Variants in FER observed in about 807,000 individuals in gnomAD.
FER encodes FER tyrosine kinase, also known as tyrosine-protein kinase Fer.
In FER, 63 loss-of-function variants were observed where a neutral mutation model predicts 111.0. The observed-to-expected ratio is 0.57, with a 90% confidence interval of 0.46 to 0.70. The LOEUF is 0.70. Ranked by LOEUF, FER falls within the 30% of genes least tolerant of loss-of-function variation. The probability of loss-of-function intolerance (pLI) is 0.00; values close to 1 mark genes in which losing one functional copy is unlikely to be tolerated. For synonymous variants in FER, 327 were observed against 313.9 expected, an observed-to-expected ratio of 1.04 and a Z score of -0.44; for missense variants, 914 against 954.0, an observed-to-expected ratio of 0.96 and a Z score of 0.55.
At chr5:109,092,108 C>A (rs1347783656) in intron 16 of FER, among the ~76,000 whole-genome samples, 1 of 151,706 alleles carries the variant, frequency 6.6e-6, no homozygotes, top group Non-Finnish European at 1.5e-5. Context: ...CTGCTGACAC[C>A]TTTATCTTGG....
chr5:108,893,797 C>T (rs1748585958), intron 9 of FER, among the ~76,000 whole-genome samples: 1 of 151,942 alleles, frequency 6.6e-6, no homozygotes. Flanking sequence ...GTTCTAAGAG[C>T]ATAAAAATCA....
chr5:108,992,085 A>T (rs1763261094), intron 13 of FER, among the ~76,000 whole-genome samples: 1 of 151,956 alleles, frequency 6.6e-6, no homozygotes, highest in South Asian at 2.1e-4. Context: ...ACTCTTAACG[A>T]GCATGCTGCC....
intron 13 of FER, among the ~76,000 whole-genome samples, chr5:109,021,887 G>A (rs1260426701): frequency 6.6e-6 from 1 of 152,006 alleles, no homozygotes; most frequent in Non-Finnish European, 1.5e-5. Flanking sequence ...GTTAAGCATT[G>A]CAAGACAGAT....
chr5:108,968,513 G>A (rs1760199665), intron 13 of FER, among the ~76,000 whole-genome samples: 1 of 152,194 alleles, frequency 6.6e-6, no homozygotes, highest in Non-Finnish European at 1.5e-5. Flanking sequence ...TATGTGATAT[G>A]TTAATTAATA....
At chr5:108,760,903 A>G (rs1751660386) in intron 1 of FER, among the ~76,000 whole-genome samples, 1 of 151,602 alleles carries the variant, frequency 6.6e-6, no homozygotes. Context: ...GTTTGGTTCA[A>G]GAGGTTCAGC....
intron 5 of FER, among the ~76,000 whole-genome samples, chr5:108,844,613 A>G (rs1476075891): frequency 6.6e-6 from 1 of 152,090 alleles, no homozygotes; most frequent in Non-Finnish European, 1.5e-5. Flanking sequence ...TCACCCCTGA[A>G]AAATTCCTAG....
chr5:109,083,631 A>T (rs1030093870), intron 16 of FER, among the ~76,000 whole-genome samples: 3 of 152,050 alleles, frequency 2.0e-5, no homozygotes, highest in African/African-American at 7.2e-5. Context: ...TTTTCCACAG[A>T]TCACTTGCAT....
intron 10 of FER, among the ~76,000 whole-genome samples, chr5:108,907,389 G>C (rs1216705686): frequency 6.6e-6 from 1 of 151,812 alleles, no homozygotes; most frequent in African/African-American, 2.4e-5. Flanking sequence ...CTGCCTCCTG[G>C]GTTCAAGCAA....
At chr5:108,783,812 T>C (rs1754363504) in intron 2 of FER, among the ~76,000 whole-genome samples, 1 of 152,134 alleles carries the variant, frequency 6.6e-6, no homozygotes. Flanking sequence ...GGGGAAGGGA[T>C]GGGCTGGGAT....
intron 17 of FER, among the ~76,000 whole-genome samples, chr5:109,107,543 C>A (rs1749090169): frequency 6.6e-6 from 1 of 151,950 alleles, no homozygotes; most frequent in Non-Finnish European, 1.5e-5. Context: ...TTTATAAGTT[C>A]TCATCATTTA....
intron 9 of FER, among the ~76,000 whole-genome samples, chr5:108,893,199 G>T (rs538518596): frequency 9.2e-5 from 14 of 152,022 alleles, no homozygotes; most frequent in South Asian, 6.2e-4. Context: ...TTCCAATTCT[G>T]TGAAGAAAGT....
At chr5:109,134,438 T>A (rs1228982959) in intron 17 of FER, among the ~76,000 whole-genome samples, 1 of 152,216 alleles carries the variant, frequency 6.6e-6, no homozygotes, top group African/African-American at 2.4e-5. Context: ...GGTTTTTCTT[T>A]GTCATTTATT....
chr5:108,880,504 C>CTTAT (rs1186055783), intron 8 of FER, among the ~76,000 whole-genome samples: 6 of 151,970 alleles, frequency 3.9e-5, no homozygotes, highest in Admixed American at 3.3e-4. Flanking sequence ...GTGTTATTTA[C>CTTAT]TTATTTATTT....
At chr5:109,179,942 ACT>A (rs990168308) in intron 17 of FER, among the ~76,000 whole-genome samples, 1 of 152,098 alleles carries the variant, frequency 6.6e-6, no homozygotes, top group Non-Finnish European at 1.5e-5. Flanking sequence ...TCAGGAAAGA[ACT>A]CTCTGAAGAG....
intron 1 of FER, among the ~76,000 whole-genome samples, chr5:108,753,975 C>T (rs906553048): frequency 6.6e-6 from 1 of 152,098 alleles, no homozygotes; most frequent in African/African-American, 2.4e-5. Context: ...TGACATATTC[C>T]ACTGTGCAGT....
chr5:108,843,387 T>C (rs1761477368), intron 5 of FER, among the ~76,000 whole-genome samples: 1 of 152,190 alleles, frequency 6.6e-6, no homozygotes, highest in African/African-American at 2.4e-5. Context: ...TCCTTATCAT[T>C]TTATATTTAT....
intron 17 of FER, among the ~76,000 whole-genome samples, chr5:109,118,360 T>A (rs1475981936): frequency 6.6e-6 from 1 of 152,210 alleles, no homozygotes; most frequent in East Asian, 1.9e-4. Context: ...TGAAGCCCAC[T>A]TGATCATGGT....
At chr5:108,953,878 G>C (rs1048811698) in intron 11 of FER, among the ~76,000 whole-genome samples, 1 of 151,990 alleles carries the variant, frequency 6.6e-6, no homozygotes, top group Admixed American at 6.6e-5. Context: ...TTTAGTTCCT[G>C]TGTGCCATAA....
intron 3 of FER, among the ~76,000 whole-genome samples, chr5:108,816,195 C>T (rs1758258840): frequency 6.6e-6 from 1 of 152,080 alleles, no homozygotes; most frequent in African/African-American, 2.4e-5. Context: ...GTTAATTTTG[C>T]ATTTGTTTAT....
Sources: gnomAD v4.1 joint callset for allele counts (sites outside exome capture counted in the v4.1 genomes callset) on GRCh38, gnomAD v4.1.1 for gene constraint, MANE v1.5 for transcripts, NCBI Gene and HGNC (gene_info 2026-07-23, HGNC 2026-07-21) for gene names.